Variants in SORCS2 observed in about 807,000 individuals in gnomAD.
SORCS2 encodes the protein sortilin related VPS10 domain containing receptor 2.
In SORCS2, 100 loss-of-function variants were observed where a neutral mutation model predicts 141.6. That is an observed-to-expected ratio of 0.71 (90% CI 0.60 to 0.83). The LOEUF (loss-of-function observed/expected upper bound fraction) is 0.83, where lower values mean the gene tolerates loss of function less well. SORCS2 is among the 40% of genes least tolerant of loss of function. The pLI, the probability that SORCS2 is intolerant of heterozygous loss-of-function variation, is 0.00. For missense variants in SORCS2, 1,646 were observed against 1,560.2 expected, an observed-to-expected ratio of 1.05 and a Z score of -0.93; for synonymous variants, 789 against 676.9, an observed-to-expected ratio of 1.17 and a Z score of -2.57.
rs930558417 is a variant in SORCS2 at position 7,193,589 on chromosome 4, G to A, written c.480+463G>A. On this transcript the variant is annotated intron_variant, in intron 1 of 26. Coordinates refer to ENST00000507866, the MANE Select transcript of SORCS2 (RefSeq NM_020777.3). This position sits in a 1 kb window ranked among gnomAD's most constrained non-coding sequence, Gnocchi z 4.8. ...CCAGGGACTCCGCGGTGGCGCCTCC[G>A]CAGGCTCCGGGACTTCCCCGGTCAG... 1.3e-5 allele frequency among the ~76,000 whole-genome samples: 2 copies of A among 152,202 alleles called. No individual in the cohort carries two copies. The highest frequency in any genetic ancestry group is 1.9e-4 in the East Asian group (1 of 5,150).
intron 2 of SORCS2, among the ~76,000 whole-genome samples, chr4:7,485,646 T>A (rs1291256904): frequency 6.6e-6 from 1 of 152,224 alleles, no homozygotes; most frequent in Non-Finnish European, 1.5e-5. Flanking sequence ...TGGCTTCAGG[T>A]TGTACCGGCC....
At chr4:7,434,267 C>A (rs770834133) in intron 2 of SORCS2, 17 of 1,613,308 alleles carry the variant, frequency 1.1e-5, no homozygotes, top group Non-Finnish European at 1.4e-5. Context: ...TTCAAGTCGG[C>A]CAAGGTCAAG....
intron 3 of SORCS2, among the ~76,000 whole-genome samples, chr4:7,570,900 C>T (rs1003656909): frequency 2.0e-5 from 3 of 152,150 alleles, no homozygotes; most frequent in African/African-American, 7.2e-5. Context: ...ATCCAACAAG[C>T]TGGGGGAGGG....
At chr4:7,405,649 T>C (rs1343315092) in intron 2 of SORCS2, among the ~76,000 whole-genome samples, 6 of 152,130 alleles carry the variant, frequency 3.9e-5, no homozygotes, top group East Asian at 1.9e-4. Context: ...GCTAGATCAA[T>C]ATTGGTATAA....
At chr4:7,294,166 C>T (rs938257598) in intron 1 of SORCS2, among the ~76,000 whole-genome samples, 9 of 152,094 alleles carry the variant, frequency 5.9e-5, no homozygotes, top group African/African-American at 9.7e-5. Flanking sequence ...TATGTGCATA[C>T]GCACCGGTGA....
At chr4:7,580,607 C>G (rs1716079214) in intron 3 of SORCS2, among the ~76,000 whole-genome samples, 1 of 152,132 alleles carries the variant, frequency 6.6e-6, no homozygotes, top group South Asian at 2.1e-4. Flanking sequence ...TAACAATATT[C>G]TTACAGTAAC....
At chr4:7,599,775 T>G (rs1453310049) in intron 3 of SORCS2, among the ~76,000 whole-genome samples, 1 of 151,902 alleles carries the variant, frequency 6.6e-6, no homozygotes, top group East Asian at 1.9e-4. Context: ...CGTGGGATCT[T>G]TGCCCTAGAG....
At chr4:7,713,406 T>G (rs1725959790) in intron 15 of SORCS2, among the ~76,000 whole-genome samples, 1 of 150,798 alleles carries the variant, frequency 6.6e-6, no homozygotes, top group African/African-American at 2.4e-5. Context: ...TGCTCGGGGG[T>G]GGGTGGCCCT....
chr4:7,308,133 A>G (rs1717953530), intron 1 of SORCS2, among the ~76,000 whole-genome samples: 1 of 152,142 alleles, frequency 6.6e-6, no homozygotes, highest in South Asian at 2.1e-4. Context: ...GGGAGCCTCC[A>G]GCTGCTTTCA....
chr4:7,435,617 T>C (rs1468490652), intron 2 of SORCS2, among the ~76,000 whole-genome samples: 3 of 152,258 alleles, frequency 2.0e-5, no homozygotes, highest in Admixed American at 6.5e-5. Context: ...AGGCTGAGTG[T>C]GGGCTGGTCT....
At chr4:7,724,085 C>CTGGTGGTGATATTGATGATAG (rs1726794192) in intron 19 of SORCS2, among the ~76,000 whole-genome samples, 1 of 148,598 alleles carries the variant, frequency 6.7e-6, no homozygotes, top group Non-Finnish European at 1.5e-5. Context: ...GAGCTGGTAG[C>CTGGTGGTGATATTGATGATAG]TGGTGGTGAT....
At chr4:7,615,643 G>A (rs1200863152) in intron 3 of SORCS2, among the ~76,000 whole-genome samples, 2 of 152,126 alleles carry the variant, frequency 1.3e-5, no homozygotes, top group Admixed American at 6.5e-5. Context: ...TTCCTCCCAC[G>A]GTAGATTTCC....
chr4:7,218,866 C>T (rs1728529874), intron 1 of SORCS2, among the ~76,000 whole-genome samples: 1 of 152,194 alleles, frequency 6.6e-6, no homozygotes, highest in African/African-American at 2.4e-5. Flanking sequence ...CAAGATAAAA[C>T]CCAAACTCTT....
intron 3 of SORCS2, among the ~76,000 whole-genome samples, chr4:7,590,085 T>C (rs1560409343): frequency 1.3e-5 from 2 of 152,162 alleles, no homozygotes; most frequent in Non-Finnish European, 2.9e-5. Context: ...GGTCTGTCTC[T>C]TAAAACCCGA....
At chr4:7,501,618 C>G (rs758238851) in intron 2 of SORCS2, among the ~76,000 whole-genome samples, 1 of 152,236 alleles carries the variant, frequency 6.6e-6, no homozygotes, top group Non-Finnish European at 1.5e-5. Flanking sequence ...CGCACCCGGT[C>G]TTCCTGTGTA....
chr4:7,318,503 C>T (rs1718699549), intron 1 of SORCS2, among the ~76,000 whole-genome samples: 1 of 152,206 alleles, frequency 6.6e-6, no homozygotes, highest in Non-Finnish European at 1.5e-5. Flanking sequence ...CCTGAGCAAA[C>T]CTGGCTCTTC....
chr4:7,434,558 TG>T (rs1355412617), intron 2 of SORCS2: 1 of 1,613,362 alleles, frequency 6.2e-7, no homozygotes, highest in Non-Finnish European at 8.5e-7. Context: ...ACCATCCACT[TG>T]CATCCGGCTG....
chr4:7,727,525 C>A (rs1380998868), intron 21 of SORCS2, among the ~76,000 whole-genome samples: 1 of 152,160 alleles, frequency 6.6e-6, no homozygotes, highest in African/African-American at 2.4e-5. Context: ...CTGTGGACAG[C>A]AGCCATCAGT....
At chr4:7,424,375 C>G (rs1311624896) in intron 2 of SORCS2, among the ~76,000 whole-genome samples, 1 of 152,234 alleles carries the variant, frequency 6.6e-6, no homozygotes, top group African/African-American at 2.4e-5. Flanking sequence ...CTCTCTGGGC[C>G]TGAGCTGTGT....
Sources: allele counts gnomAD v4.1 joint callset (sites outside exome capture counted in the v4.1 genomes callset), GRCh38; gene constraint gnomAD v4.1.1; non-coding constraint Gnocchi (gnomAD v3.1); transcripts MANE v1.5; gene names NCBI Gene and HGNC (gene_info 2026-07-23, HGNC 2026-07-21).